The following OTOG variants were observed in gnomAD, a reference collection of about 807,000 sequenced individuals.
OTOG encodes the protein otogelin.
Under a neutral mutation model 313.8 loss-of-function variants are expected in OTOG, and 296 were observed. That is an observed-to-expected ratio of 0.94 (90% CI 0.86 to 1.04). The LOEUF (loss-of-function observed/expected upper bound fraction) is 1.04, where lower values mean the gene tolerates loss of function less well. Ranked by LOEUF, OTOG falls within the 50% of genes least tolerant of loss-of-function variation. The probability of loss-of-function intolerance (pLI) is 0.00; values close to 1 mark genes in which losing one functional copy is unlikely to be tolerated. For synonymous variants in OTOG, 1,533 were observed against 1,554.9 expected, an observed-to-expected ratio of 0.99 and a Z score of 0.33; for missense variants, 3,948 against 3,840.1, an observed-to-expected ratio of 1.03 and a Z score of -0.74.
At chr11:17,567,895 TTCTTTTC>T (rs1011855401) in intron 15 of OTOG, among the ~76,000 whole-genome samples, 7 of 306 alleles carry the variant, frequency 0.023, no homozygotes, top group African/African-American at 0.061. Context: ...TAGTAACACT[TTCTTTTC>T]TTTTCTTTTC....
At position 17,610,916 on chromosome 11, in the gene OTOG, A is replaced by G. The variant is rs1349889550; in HGVS notation, c.5616A>G (p.Thr1872=). The change falls in exon 36 of 56, where the codon ACA becomes ACG. Residue 1872 remains threonine, a synonymous_variant. Transcript: ENST00000399397. ...PTHIAPPAAG[T]APGLLLGATL... ...ACATAGCACCCCCAGCAGCAGGCACAGCTCCAGGCCTGCTGCTGGGAGCCA... is the reference window on the plus strand; with the variant it reads ...ACATAGCACCCCCAGCAGCAGGCACGGCTCCAGGCCTGCTGCTGGGAGCCA... 2.6e-6 allele frequency: 4 copies of G among 1,550,466 alleles called. No individual in the cohort carries two copies. In the East Asian group the frequency reaches 9.8e-5, roughly 38 times the overall value.
In OTOG at chr11:17,624,720, G is replaced by A. The variant is rs1034999450; in HGVS notation, c.6529-4413G>A. Among the ~76,000 whole-genome samples, 6 of 152,144 alleles carry A rather than the reference G, an allele frequency of 3.9e-5. No homozygotes were observed. The East Asian group carries it at 1.2e-3, about 29-fold the overall frequency. On this transcript the variant is annotated intron_variant, in intron 39 of 55. Transcript: ENST00000399397. ...TGTCATTGGTAGTTTGATAGGAAGA[G>A]CATTGAATCTATCAATTGCTTTGGG...
chr11:17,572,255 C>T lies in OTOG; in HGVS notation c.2080+51C>T, dbSNP rs12098886. Reference sequence around the variant, plus strand: ...GCATGGTTGAGTGGGGTGGGGAGGACTGCTTTGAGAGAGATGAAAAGGGAA... The same window carrying T: ...GCATGGTTGAGTGGGGTGGGGAGGATTGCTTTGAGAGAGATGAAAAGGGAA... On this transcript the variant is annotated intron_variant, in intron 18 of 55. Transcript: ENST00000399397. 7.0e-3 allele frequency: 10,781 copies of T among 1,545,124 alleles called. 689 individuals carry two copies. The African/African-American group carries it at 0.13, about 19-fold the overall frequency.
chr11:17,571,995 A>G (rs1471784986), intron 17 of OTOG, 85 bp from the exon 18 acceptor site: 1 of 1,516,108 alleles, frequency 6.6e-7, no homozygotes, highest in Non-Finnish European at 8.9e-7. Context: ...TATATGAGCA[A>G]GTAGGTGTTA....
intron 28 of OTOG, 55 bp from the exon 29 acceptor site, chr11:17,595,983 A>G (rs1853089458): frequency 3.2e-6 from 4 of 1,239,976 alleles, no homozygotes; most frequent in African/African-American, 1.5e-5. Context: ...CTGTCATGTC[A>G]GGCAACAGGC....
At chr11:17,563,408 G>A (rs1040631476) in intron 15 of OTOG, among the ~76,000 whole-genome samples, 7 of 152,216 alleles carry the variant, frequency 4.6e-5, no homozygotes, top group Non-Finnish European at 1.0e-4. Context: ...CATGGCCCTG[G>A]GGACACAGGC....
chr11:17,578,983 C>A (rs1009281180), intron 23 of OTOG, among the ~76,000 whole-genome samples: 1 of 152,340 alleles, frequency 6.6e-6, no homozygotes, highest in African/African-American at 2.4e-5. Context: ...AAAAAGAAGA[C>A]CCCACCCAGA....
intron 33 of OTOG, 116 bp from the exon 34 acceptor site, chr11:17,608,180 G>T: frequency 3.0e-6 from 2 of 662,808 alleles, no homozygotes; most frequent in Non-Finnish European, 4.9e-6. Flanking sequence ...TTCCCCATTT[G>T]CTTTCCCTGC....
chr11:17,642,851 T>A (rs1013680642), intron 53 of OTOG, among the ~76,000 whole-genome samples: 2 of 152,104 alleles, frequency 1.3e-5, no homozygotes, highest in African/African-American at 4.8e-5. Context: ...ATGACACTCA[T>A]ACACACACCC....
intron 49 of OTOG, 68 bp downstream of exon 49, chr11:17,639,531 T>G: frequency 6.8e-7 from 1 of 1,468,000 alleles, no homozygotes; most frequent in Non-Finnish European, 9.3e-7. Context: ...TATCCCCTCC[T>G]CTAGAGAATC....
chr11:17,637,227 T>C (rs992711968), intron 47 of OTOG, among the ~76,000 whole-genome samples: 1 of 152,174 alleles, frequency 6.6e-6, no homozygotes, highest in African/African-American at 2.4e-5. Flanking sequence ...CTGGACATAC[T>C]CTTTTTTTTT....
intron 37 of OTOG, 71 bp from the exon 38 acceptor site, chr11:17,612,549 C>T (rs1853587669): frequency 6.7e-7 from 1 of 1,483,862 alleles, no homozygotes; most frequent in East Asian, 2.5e-5. Flanking sequence ...CAGGAACCTG[C>T]CCCATCTTCC....
intron 8 of OTOG, among the ~76,000 whole-genome samples, chr11:17,557,882 A>G (rs868830815): frequency 6.6e-6 from 1 of 152,142 alleles, no homozygotes; most frequent in Non-Finnish European, 1.5e-5. Context: ...GCTCAGAGAG[A>G]CACAGGAGCT....
intron 30 of OTOG, among the ~76,000 whole-genome samples, chr11:17,598,936 C>T (rs1310695203): frequency 6.6e-6 from 1 of 152,172 alleles, no homozygotes; most frequent in African/African-American, 2.4e-5. Flanking sequence ...TGCAGTGAGT[C>T]GGTGGCTCTC....
intron 54 of OTOG, among the ~76,000 whole-genome samples, chr11:17,644,432 G>T (rs957083844): frequency 1.3e-5 from 2 of 152,236 alleles, no homozygotes; most frequent in African/African-American, 2.4e-5. Context: ...TTTCTAAAGG[G>T]ATTCCTGGGG....
rs1229652239 is a variant in OTOG at position 17,562,047 on chromosome 11, AT to A, written c.1644+241del. On this transcript the variant is annotated intron_variant, in intron 15 of 55. Transcript: ENST00000399397. ...TAGGATTTTACTACCTAAAAAAAAA[AT>A]ATATATATATATATATATATATATG... is the stretch of plus-strand genomic sequence containing the variant. Among the ~76,000 whole-genome samples the A allele has an allele frequency of 0.081, 8,519 of 105,198 alleles. 265 individuals are homozygous for A. Among genetic ancestry groups the A allele is most frequent in the African/African-American group, 0.098 (2,562 of 26,152 alleles). The allele number at this position is 105,198 out of a possible 152,430, so 69.0% of individuals were successfully genotyped here.
intron 39 of OTOG, among the ~76,000 whole-genome samples, 176 bp from the exon 40 acceptor site, chr11:17,628,957 G>A (rs142112690): frequency 3.2e-4 from 49 of 152,300 alleles, no homozygotes; most frequent in Non-Finnish European, 5.4e-4. Flanking sequence ...CACTTTCGAC[G>A]GTGATTTGGC....
chr11:17,627,551 C>CT (rs1427060186), intron 39 of OTOG, among the ~76,000 whole-genome samples: 1 of 152,020 alleles, frequency 6.6e-6, no homozygotes, highest in African/African-American at 2.4e-5. Context: ...AACTTGCAGT[C>CT]TTTTTTTGAT....
At position 17,610,943 on chromosome 11, in the gene OTOG, A is replaced by G; in HGVS notation, c.5643A>G (p.Thr1881=). Residue 1881 remains threonine (T), a synonymous_variant, in exon 36 of 56, where the codon ACA becomes ACG. Transcript: ENST00000399397. ...GTAPGLLLGA[T]LPTSGVLPVA... ...CTCCAGGCCTGCTGCTGGGAGCCACATTGCCAACCTCTGGAGTCCTGCCTG... is the reference window on the plus strand; with the variant it reads ...CTCCAGGCCTGCTGCTGGGAGCCACGTTGCCAACCTCTGGAGTCCTGCCTG... The G allele has an allele frequency of 6.5e-7, 1 of 1,550,328 alleles. No homozygotes were observed.
Sources: allele counts gnomAD v4.1 joint callset (sites outside exome capture counted in the v4.1 genomes callset), GRCh38; gene constraint gnomAD v4.1.1; transcripts MANE v1.5; gene names NCBI Gene and HGNC (gene_info 2026-07-23, HGNC 2026-07-21).